Variants in NPDC1 observed in about 807,000 individuals in gnomAD.
NPDC1 encodes the protein neural proliferation, differentiation and control 1.
In NPDC1, 18 loss-of-function variants were observed where a neutral mutation model predicts 32.5. That is an observed-to-expected ratio of 0.55 (90% confidence interval 0.38 to 0.82). The LOEUF is 0.82. Among genes scored for constraint, NPDC1 ranks in the 40% least tolerant of loss-of-function variants. NPDC1 has a pLI of 0.00. For synonymous variants in NPDC1, 210 were observed against 184.7 expected, an observed-to-expected ratio of 1.14 and a Z score of -1.11; for missense variants, 468 against 406.6, an observed-to-expected ratio of 1.15 and a Z score of -1.30.
At position 137,040,995 on chromosome 9, in the gene NPDC1, G is replaced by A; in HGVS notation, c.386-11C>T. ...AGAAGCCCAGGGTGGCTGCGAGAGA[G>A]GACAGGTTAGAATGAGAGCACTGGG... On this transcript the variant is annotated splice_polypyrimidine_tract_variant and intron_variant, in intron 3 of 8. Coordinates refer to ENST00000371601, the MANE Select transcript of NPDC1 (RefSeq NM_015392.4). 6.5e-7 allele frequency: 1 copy of A among 1,530,402 alleles called. No homozygotes were observed. The highest frequency in any genetic ancestry group is 8.8e-7 in the Non-Finnish European group (1 of 1,141,170). The allele number at this position is 1,530,402 out of a possible 1,614,324, so 94.8% of individuals were successfully genotyped here. A position where few individuals can be genotyped will look rare whatever the true frequency, so the allele number is the denominator to read the frequency against.
rs761971110 is a variant in NPDC1, at chr9:137,039,873, G to A, written c.886-9C>T. ...ACCTCCATTTCCCCGGTCTGCGAAT[G>A]TGGGTGTCAGGCTGGGCAGTGGGTG... On this transcript the variant is annotated splice_polypyrimidine_tract_variant and intron_variant, in intron 8 of 8. Coordinates refer to ENST00000371601, the MANE Select transcript of NPDC1 (RefSeq NM_015392.4). 6.4e-6 allele frequency: 5 copies of A among 779,320 alleles called. No individual in the cohort carries two copies. The highest frequency in any genetic ancestry group is 2.2e-4 in the Middle Eastern group (1 of 4,458). The allele number at this position is 779,320 out of a possible 1,614,324, so 48.3% of individuals were successfully genotyped here.
rs113220860 is a variant in NPDC1 at position 137,039,971 on chromosome 9, C to A, written c.885G>T (p.Pro295=). ...FTVYECPGLA[P]TGEMEVRNPL... ...CCTCCCTGCACCCTGAGGCACTCAC[C>A]GGGGCCAGGCCCGGGCACTCGTACA... Residue 295 remains proline, a splice_region_variant and synonymous_variant, in exon 8 of 9, where the codon CCG becomes CCT. Coordinates refer to ENST00000371601, the MANE Select transcript of NPDC1 (RefSeq NM_015392.4). The A allele has an allele frequency of 3.9e-6, 3 of 778,946 alleles. No homozygotes were observed. The highest frequency in any genetic ancestry group is 7.2e-6 in the Non-Finnish European group (3 of 417,932). 48.3% of individuals were successfully genotyped at this position (778,946 alleles called of 1,614,324 possible). A position where few individuals can be genotyped will look rare whatever the true frequency, so the allele number is the denominator to read the frequency against.
Position 137,040,482 on chromosome 9 carries a change from C to T in NPDC1, c.708+32G>A, listed in dbSNP as rs749733244. The T allele has an allele frequency of 4.1e-5, 65 of 1,578,760 alleles. No individual in the cohort carries two copies. In the East Asian group the frequency reaches 7.0e-4, roughly 17 times the overall value. ...GGGTCAGTTGGCGGCCAGAGTTGGGCGGGAGCCTCAGGGCTGAAGGGGGCC... is the reference window on the plus strand; with the variant it reads ...GGGTCAGTTGGCGGCCAGAGTTGGGTGGGAGCCTCAGGGCTGAAGGGGGCC... On this transcript the variant is annotated intron_variant, in intron 6 of 8. Coordinates refer to ENST00000371601, the MANE Select transcript of NPDC1 (RefSeq NM_015392.4).
At chr9:137,043,677 T>G in intron 1 of NPDC1, 1 of 394,172 alleles carries the variant, frequency 2.5e-6, no homozygotes, top group Non-Finnish European at 4.6e-6. Flanking sequence ...CCCAGGCAGG[T>G]CACTCCCAAA....
intron 1 of NPDC1, chr9:137,044,036 G>T: frequency 6.5e-6 from 1 of 152,988 alleles, no homozygotes; most frequent in Non-Finnish European, 1.5e-5. Context: ...GGGAGTCTGC[G>T]GTGGCACCTC....
At chr9:137,042,062 A>G (rs1179857872) in intron 2 of NPDC1, among the ~76,000 whole-genome samples, 2 of 152,184 alleles carry the variant, frequency 1.3e-5, no homozygotes, top group Admixed American at 6.5e-5. Context: ...TGGCCATCCC[A>G]GCATTTCACA....
chr9:137,043,465 G>C (rs1832087778), intron 1 of NPDC1: 3 of 631,366 alleles, frequency 4.8e-6, no homozygotes, highest in South Asian at 1.8e-5. Context: ...GAGTCCCAGA[G>C]GGAAGGGCCC....
intron 1 of NPDC1, among the ~76,000 whole-genome samples, chr9:137,045,548 C>T (rs1832117885): frequency 6.6e-6 from 1 of 152,222 alleles, no homozygotes; most frequent in Non-Finnish European, 1.5e-5. Context: ...AGGCAGACTC[C>T]CGGCGGGCCC....
chr9:137,043,140 C>G, intron 1 of NPDC1, 67 bp from the exon 2 acceptor site: 1 of 1,556,418 alleles, frequency 6.4e-7, no homozygotes, highest in Non-Finnish European at 8.7e-7. Flanking sequence ...CACACGGCAG[C>G]GCTGCCCCAG....
rs772798802 is a variant in NPDC1 at position 137,040,517 on chromosome 9, G to T, written c.705C>A (p.Ile235=). 5.7e-6 allele frequency: 9 copies of T among 1,589,846 alleles called. No individual in the cohort carries two copies. Among genetic ancestry groups the T allele is most frequent in the Non-Finnish European group, 7.7e-6 (9 of 1,173,246 alleles). Residue 235 remains isoleucine, a synonymous_variant, in exon 6 of 9, where the codon ATC becomes ATA. Coordinates refer to ENST00000371601, the MANE Select transcript of NPDC1 (RefSeq NM_015392.4). ...KAPGSPAAPR[I]SPGDQRLAQS... ...AGGGCTGAAGGGGGCCACACACCGA[G>T]ATCCGGGGAGCTGCAGGTGAGCCAG... is the stretch of plus-strand genomic sequence containing the variant.
intron 4 of NPDC1, 28 bp from the exon 5 acceptor site, chr9:137,040,765 C>T: frequency 6.3e-7 from 1 of 1,586,794 alleles, no homozygotes; most frequent in East Asian, 2.3e-5. Context: ...TGAGGGCGGC[C>T]TTCTGCAGGG....
Position 137,042,910 on chromosome 9 carries a change from C to T in NPDC1, c.259+17G>A. ...GCAGGGACATCCCCCCATCGACTTC[C>T]CCCTTTGCTCTCGTACCTGGAGGCC... On this transcript the variant is annotated intron_variant, in intron 2 of 8. Transcript: ENST00000371601. The T allele has an allele frequency of 1.9e-6, 3 of 1,581,456 alleles. No homozygotes were observed. Among genetic ancestry groups the T allele is most frequent in the Non-Finnish European group, 2.6e-6 (3 of 1,162,446 alleles).
intron 2 of NPDC1, among the ~76,000 whole-genome samples, 184 bp from the exon 3 acceptor site, chr9:137,041,371 C>A (rs111689451): frequency 6.6e-5 from 10 of 152,264 alleles, no homozygotes; most frequent in African/African-American, 2.2e-4. Flanking sequence ...CAGTGCTTCC[C>A]GGAAAGTGGA....
At chr9:137,042,559 CTTTTTTT>C (rs59591013) in intron 2 of NPDC1, among the ~76,000 whole-genome samples, 1 of 65,706 alleles carries the variant, frequency 1.5e-5, no homozygotes, top group Non-Finnish European at 2.9e-5. Flanking sequence ...TCCCGGCCTT[CTTTTTTT>C]TTTTTTTTTT....
At chr9:137,045,379 GC>G (rs1255616673) in intron 1 of NPDC1, among the ~76,000 whole-genome samples, 1 of 152,256 alleles carries the variant, frequency 6.6e-6, no homozygotes, top group African/African-American at 2.4e-5. Context: ...CCACCATGGC[GC>G]ACAAGGCCGG....
At position 137,039,556 on chromosome 9, in the gene NPDC1, G is replaced by T; in HGVS notation, c.*216C>A. 1.9e-6 allele frequency: 1 copy of T among 535,714 alleles called. No individual in the cohort carries two copies. The allele number at this position is 535,714 out of a possible 1,614,324, so 33.2% of individuals were successfully genotyped here. On this transcript the variant is annotated 3_prime_UTR_variant, in exon 9 of 9. Coordinates refer to ENST00000371601, the MANE Select transcript of NPDC1 (RefSeq NM_015392.4). Reference sequence around the variant, plus strand: ...GGTTCTCCATGCCCCCTCCAGTTTGGGGGTCTAAACCGAACAGGAGAGGTG... The same window carrying T: ...GGTTCTCCATGCCCCCTCCAGTTTGTGGGTCTAAACCGAACAGGAGAGGTG...
Position 137,043,299 on chromosome 9 carries a change from G to A in NPDC1, c.113-226C>T, listed in dbSNP as rs745986044. On this transcript the variant is annotated intron_variant, in intron 1 of 8. Coordinates refer to ENST00000371601, the MANE Select transcript of NPDC1 (RefSeq NM_015392.4). ...ACTACCCTGCCCCACCCCTCCCCAGGGTCCACTTCCAGGCCTGATAGAGCC... is the reference window on the plus strand; with the variant it reads ...ACTACCCTGCCCCACCCCTCCCCAGAGTCCACTTCCAGGCCTGATAGAGCC... 5 of 719,950 alleles carry A rather than the reference G, an allele frequency of 6.9e-6. No individual in the cohort carries two copies. The East Asian group carries it at 1.3e-4, about 19-fold the overall frequency. 44.6% of individuals were successfully genotyped at this position (719,950 alleles called of 1,614,324 possible).
intron 3 of NPDC1, 35 bp from the exon 4 acceptor site, chr9:137,041,019 G>C (rs1453624292): frequency 6.6e-7 from 1 of 1,524,914 alleles, no homozygotes; most frequent in Non-Finnish European, 8.8e-7. Context: ...GAGAGCACTG[G>C]GCTAGGGACA....
intron 1 of NPDC1, 75 bp from the exon 2 acceptor site, chr9:137,043,148 C>T (rs1265315927): frequency 6.6e-7 from 1 of 1,510,922 alleles, no homozygotes; most frequent in Admixed American, 1.9e-5. Flanking sequence ...AGCGCTGCCC[C>T]AGCCACCCGC....
Sources: gnomAD v4.1 joint callset for allele counts (sites outside exome capture counted in the v4.1 genomes callset) on GRCh38, gnomAD v4.1.1 for gene constraint, MANE v1.5 for transcripts, NCBI Gene and HGNC (gene_info 2026-07-23, HGNC 2026-07-21) for gene names.